The following LRRC39 variants were observed in gnomAD, a reference collection of about 807,000 sequenced individuals.
LRRC39 encodes the protein leucine-rich repeat-containing protein 39.
LRRC39 carries 35 observed loss-of-function variants against 39.7 expected under a neutral mutation model. That is an observed-to-expected ratio of 0.88 (90% CI 0.67 to 1.17). The LOEUF (loss-of-function observed/expected upper bound fraction) is 1.17, where lower values mean the gene tolerates loss of function less well. Ranked by LOEUF, LRRC39 falls within the 50% of genes most tolerant of loss-of-function variation. LRRC39 has a pLI of 0.00. For synonymous variants in LRRC39, 113 were observed against 134.1 expected (o/e 0.84, Z 1.09); for missense variants, 357 against 385.8 (o/e 0.93, Z 0.62).
At chr1:100,150,965 T>TA (rs1657947585) in intron 9 of LRRC39, among the ~76,000 whole-genome samples, 1 of 151,882 alleles carries the variant, frequency 6.6e-6, no homozygotes, top group Non-Finnish European at 1.5e-5. Flanking sequence ...CTGTCTCTAC[T>TA]AAAAATACGA....
intron 1 of LRRC39, among the ~76,000 whole-genome samples, chr1:100,174,872 C>T (rs183734291): frequency 3.7e-4 from 56 of 152,264 alleles, no homozygotes; most frequent in African/African-American, 1.2e-3. Context: ...TAATCCCCAA[C>T]GTTGGAGGTG....
Position 100,156,191 on chromosome 1 carries a change from G to A in LRRC39, c.640C>T (p.Leu214Phe), listed in dbSNP as rs748250398. 1.9e-6 allele frequency: 3 copies of A among 1,613,834 alleles called. No homozygotes were observed. The highest frequency in any genetic ancestry group is 1.7e-6 in the Non-Finnish European group (2 of 1,179,850). Residue 214 changes from leucine (L) to phenylalanine (F), a missense_variant, in exon 7 of 10, where the codon CTT becomes TTT. Coordinates refer to ENST00000370137, the MANE Select transcript of LRRC39 (RefSeq NM_144620.4). ...LDMGSNKLEQ[L>F]PDTIERMQNL... ...TTTTACCTTTCTATAGTATCAGGAA[G>A]TTGTTCAAGTTTGTTGCTTCCCATG... is the stretch of plus-strand genomic sequence containing the variant.
chr1:100,176,137 G>A (rs1022892104), intron 1 of LRRC39, among the ~76,000 whole-genome samples: 5 of 152,146 alleles, frequency 3.3e-5, no homozygotes, highest in Admixed American at 1.3e-4. Flanking sequence ...GTAAAACAAT[G>A]TTTTAAAAGC....
upstream of LRRC39, chr1:100,178,288 G>A (rs1660086418): frequency 1.3e-5 from 2 of 152,116 alleles, no homozygotes; most frequent in Admixed American, 1.3e-4. Context: ...CATGGACAAA[G>A]CTGAGAATAG....
intron 9 of LRRC39, chr1:100,150,511 T>C (rs912113406): frequency 1.3e-5 from 2 of 152,238 alleles, no homozygotes; most frequent in African/African-American, 4.8e-5. Context: ...ATCTCATTTA[T>C]GTTTGATAAA....
rs146364689 is a variant in LRRC39 at position 100,148,766 on chromosome 1, T to C, written c.*276A>G. On this transcript the variant is annotated 3_prime_UTR_variant, in exon 10 of 10. Coordinates refer to ENST00000370137, the MANE Select transcript of LRRC39 (RefSeq NM_144620.4). ...CAGACCCTCTGGTGTCTTTGGAAAA[T>C]GTTTTGTTAACTGCTTTACCAAATC... The C allele has an allele frequency of 2.4e-5, 38 of 1,564,082 alleles. No individual in the cohort carries two copies. The Middle Eastern group carries it at 6.7e-4, about 28-fold the overall frequency.
chr1:100,149,684 T>C (rs1010112059), intron 9 of LRRC39: 31 of 307,760 alleles, frequency 1.0e-4, no homozygotes, highest in African/African-American at 6.0e-4. Context: ...CCAAAAACCT[T>C]CTCAAATTTA....
At chr1:100,155,274 A>T in intron 7 of LRRC39, 71 bp from the exon 8 acceptor site, 1 of 1,334,102 alleles carries the variant, frequency 7.5e-7, no homozygotes. Flanking sequence ...TTTAACAAAT[A>T]ATTTTAAGAG....
chr1:100,159,296 TA>T lies in LRRC39; in HGVS notation c.338del (p.Leu113TyrfsTer22). The stretch of plus-strand genomic sequence containing the variant: ...GTATCTCTGAAATTGTGTTTCGAGA[TA>T]AATCTAACACAATGAGGTTCTGGAA... ...GRFQNLIVLD[L>X]SRNTISEIPP... On this transcript the variant is annotated frameshift_variant, in exon 5 of 10. Coordinates refer to ENST00000370137, the MANE Select transcript of LRRC39 (RefSeq NM_144620.4). LOFTEE classifies it high-confidence loss of function. 1 of 1,608,266 alleles carries T rather than the reference TA, an allele frequency of 6.2e-7. No individual in the cohort carries two copies. Among genetic ancestry groups the T allele is most frequent in the East Asian group, 2.2e-5 (1 of 44,578 alleles).
intron 1 of LRRC39, among the ~76,000 whole-genome samples, chr1:100,173,724 G>T (rs1271988067): frequency 6.6e-6 from 1 of 152,026 alleles, no homozygotes; most frequent in African/African-American, 2.4e-5. Context: ...AAATCCAGGA[G>T]AATTTACAAC....
rs1657637520 is a variant in LRRC39, at chr1:100,148,822, G to A, written c.*220C>T. On this transcript the variant is annotated 3_prime_UTR_variant, in exon 10 of 10. Coordinates refer to ENST00000370137, the MANE Select transcript of LRRC39 (RefSeq NM_144620.4). Reference sequence around the variant, plus strand: ...TCATCACCAGAAACAACTGCTTAATGGAAAAGAAATTTGAGCATCATCTGT... The same window carrying A: ...TCATCACCAGAAACAACTGCTTAATAGAAAAGAAATTTGAGCATCATCTGT... The A allele has an allele frequency of 4.9e-6, 7 of 1,442,606 alleles. No individual in the cohort carries two copies. Among genetic ancestry groups the A allele is most frequent in the Middle Eastern group, 1.8e-4 (1 of 5,442 alleles). 89.4% of individuals were successfully genotyped at this position (1,442,606 alleles called of 1,614,324 possible).
chr1:100,154,748 A>C (rs917877289), intron 8 of LRRC39, among the ~76,000 whole-genome samples: 1 of 152,210 alleles, frequency 6.6e-6, no homozygotes, highest in Non-Finnish European at 1.5e-5. Context: ...TCACACATTT[A>C]TTATTTCATA....
intron 9 of LRRC39, among the ~76,000 whole-genome samples, chr1:100,151,674 T>C (rs1220214529): frequency 3.3e-5 from 5 of 152,224 alleles, no homozygotes; most frequent in African/African-American, 1.2e-4. Flanking sequence ...AATTGTGCAC[T>C]TTGTCCTCTT....
intron 9 of LRRC39, chr1:100,149,399 G>T: frequency 1.9e-6 from 3 of 1,545,428 alleles, no homozygotes; most frequent in Non-Finnish European, 2.6e-6. Flanking sequence ...TGTATATATT[G>T]TCAGAATCTG....
intron 9 of LRRC39, among the ~76,000 whole-genome samples, chr1:100,151,512 T>C (rs933123884): frequency 8.5e-5 from 13 of 152,222 alleles, no homozygotes; most frequent in African/African-American, 2.7e-4. Flanking sequence ...TGAAAAACTC[T>C]GTCATTGTCT....
intron 3 of LRRC39, 127 bp from the exon 4 acceptor site, chr1:100,160,698 C>A: frequency 3.4e-6 from 2 of 580,616 alleles, no homozygotes; most frequent in East Asian, 3.1e-5. Context: ...GATCTCGGCC[C>A]ACTGCAACCT....
Position 100,152,422 on chromosome 1 carries a change from A to T in LRRC39, c.915T>A (p.Phe305Leu). The T allele has an allele frequency of 6.2e-7, 1 of 1,614,030 alleles. No individual in the cohort carries two copies. Among genetic ancestry groups the T allele is most frequent in the East Asian group, 2.2e-5 (1 of 44,858 alleles). ...EEERELFGLQ[F>L]MHTYIQESRR... ...GTGACTCTTGTATGTATGTGTGCATAAACTGAAGGCCAAATAATTCCCGTT... is the reference window on the plus strand; with the variant it reads ...GTGACTCTTGTATGTATGTGTGCATTAACTGAAGGCCAAATAATTCCCGTT... The change falls in exon 9 of 10, where the codon TTT becomes TTA. Residue 305 changes from phenylalanine (F) to leucine (L), a missense_variant. Physicochemically the swap from Phe to Leu is conservative, Grantham distance 22. Transcript: ENST00000370137.
intron 1 of LRRC39, 66 bp from the exon 2 acceptor site, chr1:100,173,436 A>T (rs1659762428): frequency 6.6e-6 from 1 of 152,182 alleles, no homozygotes; most frequent in Non-Finnish European, 1.5e-5. Context: ...TAATATCGTG[A>T]TTAAAAACAA....
At chr1:100,166,019 C>T (rs755246374) in intron 3 of LRRC39, among the ~76,000 whole-genome samples, 59 of 151,928 alleles carry the variant, frequency 3.9e-4, no homozygotes, top group Admixed American at 5.2e-4. Context: ...GGATTACAGG[C>T]GTGAGCCACC....
Sources: gnomAD v4.1 joint callset for allele counts (sites outside exome capture counted in the v4.1 genomes callset) on GRCh38, gnomAD v4.1.1 for gene constraint, MANE v1.5 for transcripts, NCBI Gene and HGNC (gene_info 2026-07-23, HGNC 2026-07-21) for gene names.